Variants in GABRB1 observed in about 807,000 individuals in gnomAD.
The protein encoded by GABRB1 is gamma-aminobutyric acid receptor subunit beta-1.
A neutral mutation model predicts 51.6 loss-of-function variants in GABRB1; 17 were observed. The observed-to-expected ratio is 0.33, with a 90% CI of 0.23 to 0.49. The LOEUF (loss-of-function observed/expected upper bound fraction) is 0.49, where lower values mean the gene tolerates loss of function less well. Ranked by LOEUF, GABRB1 falls within the 20% of genes least tolerant of loss-of-function variation. GABRB1 has a pLI of 0.99. For synonymous variants in GABRB1, 247 were observed against 218.9 expected, an observed-to-expected ratio of 1.13 and a Z score of -1.14; for missense variants, 410 against 600.6, an observed-to-expected ratio of 0.68 and a Z score of 3.32.
chr4:47,089,520 C>CTT (rs1266182769), intron 3 of GABRB1, among the ~76,000 whole-genome samples: 2 of 152,140 alleles, frequency 1.3e-5, no homozygotes, highest in Admixed American at 1.3e-4. Flanking sequence ...ACATCTCTCT[C>CTT]TCTCTCCTCT....
At chr4:47,222,138 A>C (rs1720791506) in intron 4 of GABRB1, among the ~76,000 whole-genome samples, 1 of 152,134 alleles carries the variant, frequency 6.6e-6, no homozygotes, top group Admixed American at 6.6e-5. Context: ...CATCATCTCC[A>C]TCAACTTCAG....
chr4:47,035,294 AGT>A (rs1356606153), intron 3 of GABRB1, among the ~76,000 whole-genome samples: 2 of 151,692 alleles, frequency 1.3e-5, no homozygotes, highest in African/African-American at 4.9e-5. Flanking sequence ...TGAAAAATTA[AGT>A]GTTTTCTTAA....
At chr4:47,271,627 G>A (rs1320674671) in intron 4 of GABRB1, among the ~76,000 whole-genome samples, 13 of 152,098 alleles carry the variant, frequency 8.5e-5, no homozygotes, top group Admixed American at 8.5e-4. Context: ...TTGTGCAGAA[G>A]GCAGCTTCAG....
intron 1 of GABRB1, among the ~76,000 whole-genome samples, chr4:47,005,412 C>T (rs1724359200): frequency 6.6e-6 from 1 of 151,744 alleles, no homozygotes; most frequent in African/African-American, 2.4e-5. Flanking sequence ...AGTGGGACTC[C>T]GTCTCAAACA....
chr4:47,138,691 GTAACCA>G (rs1381864453), intron 3 of GABRB1, among the ~76,000 whole-genome samples: 2 of 152,032 alleles, frequency 1.3e-5, no homozygotes, highest in African/African-American at 4.8e-5. Context: ...TGCCCACATT[GTAACCA>G]TATGCATAAC....
intron 4 of GABRB1, among the ~76,000 whole-genome samples, chr4:47,243,373 C>G (rs1311614036): frequency 6.6e-6 from 1 of 152,166 alleles, no homozygotes; most frequent in Non-Finnish European, 1.5e-5. Flanking sequence ...GATGCGGGCT[C>G]TTTTTTGGTT....
At chr4:47,394,903 G>C (rs983079187) in intron 5 of GABRB1, among the ~76,000 whole-genome samples, 5 of 152,118 alleles carry the variant, frequency 3.3e-5, no homozygotes, top group Admixed American at 6.5e-5. Context: ...AGAAGAGGCA[G>C]GTCCGGGTGG....
chr4:47,378,001 G>A (rs1727450054), intron 5 of GABRB1, among the ~76,000 whole-genome samples: 1 of 152,258 alleles, frequency 6.6e-6, no homozygotes, highest in Non-Finnish European at 1.5e-5. Context: ...TCGCACTGGG[G>A]CTGCAGGTGG....
At chr4:47,368,534 C>A (rs1306364485) in intron 5 of GABRB1, among the ~76,000 whole-genome samples, 1 of 152,082 alleles carries the variant, frequency 6.6e-6, no homozygotes, top group African/African-American at 2.4e-5. Context: ...TTATCTAGTA[C>A]AAAATCTAAT....
rs116427187 is a variant in GABRB1 at position 47,362,408 on chromosome 4, G to A, written c.545-40910G>A. Among the ~76,000 whole-genome samples the A allele has an allele frequency of 2.0e-3, 306 of 152,182 alleles. 1 individual carries two copies. Among genetic ancestry groups the A allele is most frequent in the Non-Finnish European group, 2.5e-3 (170 of 67,958 alleles). ...AAATGGGATAGGTGGAGTGACCTCA[G>A]CCATAAAATTTATATCTGTAATGAG... On this transcript the variant is annotated intron_variant, in intron 5 of 8. Transcript: ENST00000295454.
chr4:47,204,650 T>A (rs2109802010), intron 4 of GABRB1, among the ~76,000 whole-genome samples: 1 of 152,220 alleles, frequency 6.6e-6, no homozygotes, highest in Middle Eastern at 3.4e-3. Flanking sequence ...CCCGTCCTAT[T>A]CTCATAGTGA....
At chr4:47,325,324 A>G (rs947372283) in intron 5 of GABRB1, among the ~76,000 whole-genome samples, 20 of 151,984 alleles carry the variant, frequency 1.3e-4, no homozygotes, top group African/African-American at 4.8e-4. Context: ...AATCCCAGCT[A>G]CTTGGGAGGC....
chr4:47,403,710 A>G lies in GABRB1; in HGVS notation c.834A>G (p.Leu278=), dbSNP rs747724758. The G allele has an allele frequency of 6.2e-7, 1 of 1,612,136 alleles. No individual in the cohort carries two copies. The highest frequency in any genetic ancestry group is 8.5e-7 in the Non-Finnish European group (1 of 1,179,822). ...NYDASAARVA[L]GITTVLTMTT... is the part of the protein sequence containing the mutation. ...ATGCATCTGCAGCCAGAGTCGCACT[A>G]GGTAATACATTCTCAGCACTGCAGA... Residue 278 remains leucine, a splice_region_variant and synonymous_variant, in exon 7 of 9, where the codon CTA becomes CTG. Transcript: ENST00000295454.
At chr4:47,412,199 C>T (rs1728780470) in intron 8 of GABRB1, among the ~76,000 whole-genome samples, 1 of 152,164 alleles carries the variant, frequency 6.6e-6, no homozygotes. Context: ...GCTACAGCTT[C>T]CCAATTATAC....
At chr4:47,234,685 C>T (rs1721262374) in intron 4 of GABRB1, among the ~76,000 whole-genome samples, 1 of 152,040 alleles carries the variant, frequency 6.6e-6, no homozygotes. Context: ...TAATTTAGGG[C>T]GTTTGAAAAG....
chr4:47,070,994 G>A (rs1727312565), intron 3 of GABRB1, among the ~76,000 whole-genome samples: 2 of 152,070 alleles, frequency 1.3e-5, no homozygotes, highest in South Asian at 2.1e-4. Context: ...CTTATTCCCA[G>A]CCGCTACTGT....
chr4:47,214,035 A>C (rs1720465362), intron 4 of GABRB1, among the ~76,000 whole-genome samples: 1 of 152,078 alleles, frequency 6.6e-6, no homozygotes, highest in South Asian at 2.1e-4. Flanking sequence ...GGATGATGTC[A>C]CATTCTATAA....
chr4:47,082,779 T>C (rs1727904400), intron 3 of GABRB1, among the ~76,000 whole-genome samples: 1 of 152,144 alleles, frequency 6.6e-6, no homozygotes, highest in African/African-American at 2.4e-5. Flanking sequence ...GCAGAATAGA[T>C]GCATCTAATT....
At chr4:47,033,316 T>C (rs1725419828) in intron 3 of GABRB1, among the ~76,000 whole-genome samples, 1 of 152,160 alleles carries the variant, frequency 6.6e-6, no homozygotes, top group African/African-American at 2.4e-5. Flanking sequence ...TGGAAGCTAT[T>C]GCAAAATGAA....
Sources: gnomAD v4.1 joint callset for allele counts (sites outside exome capture counted in the v4.1 genomes callset) on GRCh38, gnomAD v4.1.1 for gene constraint, MANE v1.5 for transcripts, NCBI Gene and HGNC (gene_info 2026-07-23, HGNC 2026-07-21) for gene names.